The following PARD3 variants were observed in gnomAD, a reference collection of about 807,000 sequenced individuals.
PARD3 encodes partitioning defective 3 homolog.
In PARD3, 75 loss-of-function variants were observed where a neutral mutation model predicts 155.4. The observed-to-expected ratio is 0.48, with a 90% CI of 0.40 to 0.58. The LOEUF (loss-of-function observed/expected upper bound fraction) is 0.58, where lower values mean the gene tolerates loss of function less well. Ranked by LOEUF, PARD3 falls within the 20% of genes least tolerant of loss-of-function variation. The probability of loss-of-function intolerance (pLI) is 0.00; values close to 1 mark genes in which losing one functional copy is unlikely to be tolerated. For synonymous variants in PARD3, 576 were observed against 610.5 expected (o/e 0.94, Z 0.83); for missense variants, 1,642 against 1,721.7 (o/e 0.95, Z 0.82).
At chr10:34,692,111 A>T (rs2094074104) in intron 2 of PARD3, among the ~76,000 whole-genome samples, 1 of 152,122 alleles carries the variant, frequency 6.6e-6, no homozygotes, top group South Asian at 2.1e-4. Flanking sequence ...GTGCACCTGT[A>T]ATCCCAGCTA....
intron 5 of PARD3, among the ~76,000 whole-genome samples, chr10:34,439,807 A>G (rs149758918): frequency 2.8e-4 from 43 of 152,264 alleles, no homozygotes; most frequent in African/African-American, 8.9e-4. Context: ...ATGAAATGAG[A>G]CCCAAAAGCC....
intron 22 of PARD3, among the ~76,000 whole-genome samples, chr10:34,166,569 C>T (rs1327909471): frequency 6.6e-6 from 1 of 151,756 alleles, no homozygotes; most frequent in African/African-American, 2.4e-5. Context: ...TTTGAGCCTA[C>T]AGTGAACCAT....
intron 12 of PARD3, among the ~76,000 whole-genome samples, chr10:34,363,175 A>C (rs1219902354): frequency 6.6e-6 from 1 of 152,190 alleles, no homozygotes; most frequent in African/African-American, 2.4e-5. Flanking sequence ...CATTTTACCA[A>C]GGCTTACAAT....
chr10:34,638,675 A>C (rs1234826090), intron 2 of PARD3, among the ~76,000 whole-genome samples: 1 of 152,192 alleles, frequency 6.6e-6, no homozygotes, highest in African/African-American at 2.4e-5. Flanking sequence ...CCAAACAAGA[A>C]AAGTACTGCT....
At chr10:34,692,755 T>C (rs531652457) in intron 2 of PARD3, among the ~76,000 whole-genome samples, 1 of 152,240 alleles carries the variant, frequency 6.6e-6, no homozygotes, top group East Asian at 1.9e-4. Flanking sequence ...GCACCTGTAA[T>C]CCCAGCTACT....
intron 24 of PARD3, among the ~76,000 whole-genome samples, chr10:34,113,336 G>T (rs1304145045): frequency 1.3e-5 from 2 of 152,158 alleles, no homozygotes; most frequent in Non-Finnish European, 2.9e-5. Flanking sequence ...TAAACAGGGA[G>T]AATTCACTAA....
At chr10:34,403,689 T>G (rs1844142298) in intron 5 of PARD3, among the ~76,000 whole-genome samples, 1 of 152,174 alleles carries the variant, frequency 6.6e-6, no homozygotes, top group Non-Finnish European at 1.5e-5. Context: ...TAATATGTAC[T>G]TCTTAGTCAT....
At chr10:34,248,897 T>C (rs11009695) in intron 22 of PARD3, among the ~76,000 whole-genome samples, 6,417 of 152,276 alleles carry the variant, frequency 0.042, 392 homozygotes, top group African/African-American at 0.13. Context: ...ATTCCAAAGG[T>C]AAGCAAAATG....
intron 1 of PARD3, among the ~76,000 whole-genome samples, chr10:34,772,792 T>TAAA (rs555582256): frequency 2.2e-4 from 20 of 90,308 alleles, no homozygotes; most frequent in African/African-American, 6.2e-4. Flanking sequence ...AGACTCCATC[T>TAAA]AAAAAAAAAA....
intron 2 of PARD3, among the ~76,000 whole-genome samples, chr10:34,650,517 G>A (rs1416848063): frequency 6.6e-6 from 1 of 152,196 alleles, no homozygotes; most frequent in East Asian, 1.9e-4. Flanking sequence ...TGCCTGGGCA[G>A]GGGGAGAACT....
chr10:34,533,043 A>G (rs1487677251), intron 2 of PARD3, among the ~76,000 whole-genome samples: 1 of 152,246 alleles, frequency 6.6e-6, no homozygotes, highest in East Asian at 1.9e-4. Context: ...CAACTGAAAC[A>G]CAATGGTAAG....
At chr10:34,732,642 G>C (rs2094840103) in intron 1 of PARD3, among the ~76,000 whole-genome samples, 1 of 152,156 alleles carries the variant, frequency 6.6e-6, no homozygotes, top group Non-Finnish European at 1.5e-5. Flanking sequence ...GGGCTACAGT[G>C]AGCTATGATC....
At chr10:34,236,395 A>C (rs551391295) in intron 22 of PARD3, among the ~76,000 whole-genome samples, 1 of 152,326 alleles carries the variant, frequency 6.6e-6, no homozygotes, top group African/African-American at 2.4e-5. Flanking sequence ...CACCTTTACT[A>C]AAGTTTTCCA....
intron 2 of PARD3, among the ~76,000 whole-genome samples, chr10:34,639,470 G>T (rs533691626): frequency 6.6e-6 from 1 of 152,302 alleles, no homozygotes; most frequent in Non-Finnish European, 1.5e-5. Flanking sequence ...ATGCCCTAGG[G>T]CACATCCCCG....
intron 1 of PARD3, among the ~76,000 whole-genome samples, chr10:34,783,800 C>T (rs1336640427): frequency 1.3e-5 from 2 of 152,074 alleles, no homozygotes. Context: ...GTTGCCAAAT[C>T]ACTTAGTGCA....
intron 22 of PARD3, among the ~76,000 whole-genome samples, chr10:34,241,152 G>A (rs542312327): frequency 2.0e-5 from 3 of 152,332 alleles, no homozygotes; most frequent in South Asian, 2.1e-4. Context: ...TTGAGAGGAC[G>A]TGTCTGTGGT....
intron 2 of PARD3, among the ~76,000 whole-genome samples, chr10:34,607,574 G>A (rs1488957437): frequency 2.6e-4 from 40 of 152,184 alleles, no homozygotes; most frequent in Admixed American, 2.6e-3. Flanking sequence ...AGCTACCCTA[G>A]GTGATATCTG....
Position 34,227,856 on chromosome 10 carries a change from T to TATATATATATATATATA in PARD3, c.3419+41800_3419+41801insTATATATATATATATAT, listed in dbSNP as rs1554814034. ...TATTCCCAGTAATGGGAATTATTTT[T>TATATATATATATATATA]TATATATATATATATATATATATAT... On this transcript the variant is annotated intron_variant, in intron 22 of 24. Coordinates refer to ENST00000374788, the MANE Select transcript of PARD3 (RefSeq NM_001184785.2). Among the ~76,000 whole-genome samples the TATATATATATATATATA allele has an allele frequency of 5.6e-3, 457 of 82,164 alleles. 21 individuals are homozygous for TATATATATATATATATA. Among genetic ancestry groups the TATATATATATATATATA allele is most frequent in the African/African-American group, 0.017 (288 of 16,834 alleles). 53.9% of individuals were successfully genotyped at this position (82,164 alleles called of 152,430 possible). A position where few individuals can be genotyped will look rare whatever the true frequency, so the allele number is the denominator to read the frequency against.
chr10:34,437,940 T>C (rs771023894), intron 5 of PARD3, among the ~76,000 whole-genome samples: 2 of 152,200 alleles, frequency 1.3e-5, no homozygotes, highest in African/African-American at 2.4e-5. Context: ...TTGACAACTA[T>C]CTTGGGCCTA....
Sources: gnomAD v4.1 joint callset for allele counts (sites outside exome capture counted in the v4.1 genomes callset) on GRCh38, gnomAD v4.1.1 for gene constraint, MANE v1.5 for transcripts, NCBI Gene and HGNC (gene_info 2026-07-23, HGNC 2026-07-21) for gene names.